The following UBE2J2 variants were observed in gnomAD, a reference collection of about 807,000 sequenced individuals.
UBE2J2 encodes ubiquitin conjugating enzyme E2 J2.
A neutral mutation model predicts 28.6 loss-of-function variants in UBE2J2; 5 were observed. That is an observed-to-expected ratio of 0.17 (90% CI 0.09 to 0.37). The LOEUF (loss-of-function observed/expected upper bound fraction) is 0.37. Ranked by LOEUF, UBE2J2 falls within the 10% of genes least tolerant of loss-of-function variation. The pLI, the probability that UBE2J2 is intolerant of heterozygous loss-of-function variation, is 1.00. For missense variants in UBE2J2, 226 were observed against 338.9 expected, an observed-to-expected ratio of 0.67 and a Z score of 2.62; for synonymous variants, 138 against 139.7, an observed-to-expected ratio of 0.99 and a Z score of 0.09.
chr1:1,266,761 A>G (rs1400347387), intron 2 of UBE2J2, among the ~76,000 whole-genome samples: 1 of 152,104 alleles, frequency 6.6e-6, no homozygotes, highest in Non-Finnish European at 1.5e-5. Context: ...CGGCAGGCAG[A>G]GCTTGCAGTG....
rs763753068 is a variant in UBE2J2 at position 1,254,854 on chromosome 1, AG to A, written c.*348del. The A allele has an allele frequency of 2.1e-4, 39 of 184,966 alleles. No homozygotes were observed. Among genetic ancestry groups the A allele is most frequent in the Middle Eastern group, 2.2e-3 (1 of 454 alleles). The allele number at this position is 184,966 out of a possible 1,614,324, so 11.5% of individuals were successfully genotyped here. ...CCAGGAGCTCCAAGAACGCAGGAGCAGCCCGCGGTCGGCAGCAAGTTTGCAT... is the reference window on the plus strand; with the variant it reads ...CCAGGAGCTCCAAGAACGCAGGAGCACCCGCGGTCGGCAGCAAGTTTGCAT... On this transcript the variant is annotated 3_prime_UTR_variant, in exon 7 of 7. Coordinates refer to ENST00000349431, the MANE Select transcript of UBE2J2 (RefSeq NM_058167.3).
At chr1:1,263,673 A>G (rs930765877) in intron 2 of UBE2J2, 6 of 305,450 alleles carry the variant, frequency 2.0e-5, no homozygotes, top group Admixed American at 8.6e-5. Flanking sequence ...TCATCTTAAT[A>G]ATAACTGAAA....
chr1:1,263,995 GA>G (rs1172073381), intron 2 of UBE2J2, among the ~76,000 whole-genome samples: 4 of 152,078 alleles, frequency 2.6e-5, no homozygotes, highest in African/African-American at 9.7e-5. Flanking sequence ...TATCTCCAAA[GA>G]AAAAACGATG....
intron 2 of UBE2J2, among the ~76,000 whole-genome samples, chr1:1,265,231 C>T (rs921914562): frequency 2.0e-5 from 3 of 152,306 alleles, no homozygotes; most frequent in Non-Finnish European, 4.4e-5. Flanking sequence ...AGTCTTCTCT[C>T]GGGGAAGGGA....
In UBE2J2 at chr1:1,265,603, TTGTGTGTGTGTGTG is replaced by T. The variant is rs57125925; in HGVS notation, c.132-2231_132-2218del. ...TGTGTGTGTGTGTGTTTTCTCTCCA[TTGTGTGTGTGTGTG>T]TGTGTGTGTGTGTGTGTGTGTGTGT... is the stretch of plus-strand genomic sequence containing the variant. On this transcript the variant is annotated intron_variant, in intron 2 of 6. Coordinates refer to ENST00000349431, the MANE Select transcript of UBE2J2 (RefSeq NM_058167.3). 4.0e-3 allele frequency among the ~76,000 whole-genome samples: 487 copies of T among 121,016 alleles called. 4 individuals carry two copies. Among genetic ancestry groups the T allele is most frequent in the African/African-American group, 0.013 (419 of 31,040 alleles). 79.4% of individuals were successfully genotyped at this position (121,016 alleles called of 152,430 possible).
rs1163813298 is a variant in UBE2J2, at chr1:1,257,291, T to C, written c.192A>G (p.Lys64=). Residue 64 remains lysine (K), a synonymous_variant, in exon 4 of 7, where the codon AAA becomes AAG. Transcript: ENST00000349431. ...TPYEGGYYHG[K]LIFPREFPFK... is the part of the protein sequence containing the mutation. The stretch of plus-strand genomic sequence containing the variant: ...AAGGAAATTCTCTGGGAAAAATTAG[T>C]TTTCCATGATAATAGCCACCTACAT... The C allele has an allele frequency of 1.9e-6, 3 of 1,612,248 alleles. No individual in the cohort carries two copies. The highest frequency in any genetic ancestry group is 1.7e-5 in the Admixed American group (1 of 59,898).
chr1:1,260,873 G>C (rs541138131), intron 3 of UBE2J2, among the ~76,000 whole-genome samples: 3 of 152,364 alleles, frequency 2.0e-5, no homozygotes. Context: ...CTGAGATTTT[G>C]TTAGGACTGT....
chr1:1,267,594 C>CGATTGA (rs1639941254), intron 2 of UBE2J2: 1 of 784,720 alleles, frequency 1.3e-6, no homozygotes, highest in Admixed American at 3.5e-5. Context: ...CAACCTGGAC[C>CGATTGA]CCGCCCCCCT....
At chr1:1,259,624 C>T (rs1222162912) in intron 3 of UBE2J2, among the ~76,000 whole-genome samples, 1 of 152,172 alleles carries the variant, frequency 6.6e-6, no homozygotes, top group African/African-American at 2.4e-5. Flanking sequence ...AGCGGGGCTG[C>T]CACCCGCAAC....
At chr1:1,263,455 G>T in intron 2 of UBE2J2, 69 bp from the exon 3 acceptor site, 1 of 1,438,296 alleles carries the variant, frequency 7.0e-7, no homozygotes, top group Non-Finnish European at 9.8e-7. Flanking sequence ...ATCATTCCAA[G>T]CCTGGGGTTT....
rs933662544 is a variant in UBE2J2 at position 1,268,908 on chromosome 1, C to G, written c.1-916G>C. ...CCCAAGGTGGTCTCAAACTCCTGGC[C>G]TCAACTGATTCTCAGGCCTCAGCCT... On this transcript the variant is annotated intron_variant, in intron 1 of 6. Coordinates refer to ENST00000349431, the MANE Select transcript of UBE2J2 (RefSeq NM_058167.3). The surrounding 1 kb of genome is among the most constrained non-coding windows in gnomAD (Gnocchi z 4.7). Among the ~76,000 whole-genome samples, 2 of 152,114 alleles carry G rather than the reference C, an allele frequency of 1.3e-5. No individual in the cohort carries two copies. The highest frequency in any genetic ancestry group is 2.9e-5 in the Non-Finnish European group (2 of 68,020).
At chr1:1,257,349 C>G in intron 3 of UBE2J2, 39 bp from the exon 4 acceptor site, 1 of 1,368,118 alleles carries the variant, frequency 7.3e-7, no homozygotes, top group Non-Finnish European at 1.0e-6. Context: ...TGTCGTCCGC[C>G]ACAGCAGGGG....
At chr1:1,272,827 G>A (rs1232842912) in intron 1 of UBE2J2, 1 of 156,334 alleles carries the variant, frequency 6.4e-6, no homozygotes, top group Admixed American at 6.5e-5. Context: ...CCTAGGCTCA[G>A]GTGCTAGACT....
intron 3 of UBE2J2, among the ~76,000 whole-genome samples, chr1:1,260,335 C>T (rs1174488169): frequency 3.3e-5 from 5 of 152,204 alleles, no homozygotes; most frequent in Non-Finnish European, 5.9e-5. Flanking sequence ...GAGGCTGGAA[C>T]GATGTTTAGC....
intron 3 of UBE2J2, 75 bp downstream of exon 3, chr1:1,263,271 A>C: frequency 7.4e-7 from 1 of 1,356,754 alleles, no homozygotes; most frequent in Non-Finnish European, 1.1e-6. Context: ...TGCAAATAAA[A>C]GATGTTGAAC....
chr1:1,260,873 G>A (rs541138131), intron 3 of UBE2J2, among the ~76,000 whole-genome samples: 1 of 152,246 alleles, frequency 6.6e-6, no homozygotes, highest in East Asian at 1.9e-4. Context: ...CTGAGATTTT[G>A]TTAGGACTGT....
Position 1,259,103 on chromosome 1 carries a change from T to C in UBE2J2, c.173-1793A>G, listed in dbSNP as rs530385763. Reference sequence around the variant, plus strand: ...CCATCAGGACGCACGTGTGTGCATGTGTGTGCATGCCATCAGGACGCACGT... The same window carrying C: ...CCATCAGGACGCACGTGTGTGCATGCGTGTGCATGCCATCAGGACGCACGT... On this transcript the variant is annotated intron_variant, in intron 3 of 6. Transcript: ENST00000349431. Among the ~76,000 whole-genome samples, 4 of 143,794 alleles carry C rather than the reference T, an allele frequency of 2.8e-5. No homozygotes were observed. In the East Asian group the frequency reaches 7.9e-4, roughly 28 times the overall value. 94.3% of individuals were successfully genotyped at this position (143,794 alleles called of 152,430 possible). A position where few individuals can be genotyped will look rare whatever the true frequency, so the allele number is the denominator to read the frequency against.
intron 2 of UBE2J2, chr1:1,267,602 C>A (rs766814970): frequency 6.8e-6 from 6 of 880,006 alleles, no homozygotes; most frequent in African/African-American, 1.7e-5. Flanking sequence ...ACCCCGCCCC[C>A]CTCAAGGGCC....
Position 1,262,577 on chromosome 1 carries a change from C to G in UBE2J2, c.172+769G>C, listed in dbSNP as rs113336683. Among the ~76,000 whole-genome samples the G allele has an allele frequency of 2.7e-3, 414 of 152,378 alleles. 1 individual carries two copies. The highest frequency in any genetic ancestry group is 5.0e-3 in the Non-Finnish European group (340 of 68,040). On this transcript the variant is annotated intron_variant, in intron 3 of 6. Transcript: ENST00000349431. ...TCCAAAGCCTCCACACACAGGCAAA[C>G]AGAGCCTGCTGCTCCAGCCACCTGA...
Sources: gnomAD v4.1 joint callset for allele counts (sites outside exome capture counted in the v4.1 genomes callset) on GRCh38, gnomAD v4.1.1 for gene constraint, Gnocchi (gnomAD v3.1) non-coding constraint, MANE v1.5 for transcripts, NCBI Gene and HGNC (gene_info 2026-07-23, HGNC 2026-07-21) for gene names.